Variants in CPXM2 observed in about 807,000 individuals in gnomAD.
CPXM2 encodes the protein inactive carboxypeptidase-like protein X2.
In CPXM2, 66 loss-of-function variants were observed where a neutral mutation model predicts 86.1. The ratio of observed to expected loss-of-function variants is 0.77; its 90% CI spans 0.63 to 0.94. CPXM2 has a LOEUF of 0.94. Ranked by LOEUF, CPXM2 falls within the 40% of genes least tolerant of loss-of-function variation. The pLI, the probability that CPXM2 is intolerant of heterozygous loss-of-function variation, is 0.00. For missense variants in CPXM2, 948 were observed against 1,026.3 expected, an observed-to-expected ratio of 0.92 and a Z score of 1.04; for synonymous variants, 388 against 400.2, an observed-to-expected ratio of 0.97 and a Z score of 0.36.
rs970149929 is a variant in CPXM2 at position 123,754,590 on chromosome 10, T to A, written c.2017+73A>T. On this transcript the variant is annotated intron_variant, in intron 13 of 13. Coordinates refer to ENST00000241305, the MANE Select transcript of CPXM2 (RefSeq NM_198148.3). This position sits in a 1 kb window ranked among gnomAD's most constrained non-coding sequence, Gnocchi z 4.0. ...ACATTTCTGGCAGTCATTTCATGAT[T>A]GTAACCCAAGTAAAATGCCTAAAAA... 1.2e-6 allele frequency: 1 copy of A among 825,612 alleles called. No individual in the cohort carries two copies. Among genetic ancestry groups the A allele is most frequent in the Non-Finnish European group, 2.1e-6 (1 of 470,780 alleles). 51.1% of individuals were successfully genotyped at this position (825,612 alleles called of 1,614,324 possible).
chr10:123,843,241 C>T (rs531208125), intron 3 of CPXM2: 4 of 455,148 alleles, frequency 8.8e-6, no homozygotes, highest in South Asian at 6.2e-5. Flanking sequence ...CACACACCAC[C>T]ATGCCCTGCT....
At chr10:123,918,672 C>G (rs1945554744) in intron 2 of CPXM2, among the ~76,000 whole-genome samples, 1 of 152,180 alleles carries the variant, frequency 6.6e-6, no homozygotes, top group Non-Finnish European at 1.5e-5. Flanking sequence ...TTTTCCTTTT[C>G]CCTTCTTTTA....
intron 2 of CPXM2, among the ~76,000 whole-genome samples, chr10:123,933,158 C>G (rs1384545261): frequency 6.6e-6 from 1 of 152,186 alleles, no homozygotes; most frequent in Non-Finnish European, 1.5e-5. Flanking sequence ...AGGGAATGGA[C>G]AGTGAGGCCA....
At chr10:123,884,782 C>T (rs937815925) in intron 1 of CPXM2, among the ~76,000 whole-genome samples, 1 of 152,174 alleles carries the variant, frequency 6.6e-6, no homozygotes, top group African/African-American at 2.4e-5. Flanking sequence ...CTCTGGGATA[C>T]CTGCCTGGTC....
chr10:123,830,872 C>CTCTCTCTGTG (rs1258897184), intron 4 of CPXM2, among the ~76,000 whole-genome samples: 2 of 142,716 alleles, frequency 1.4e-5, no homozygotes, highest in African/African-American at 5.3e-5. Flanking sequence ...CTCTCTCTCT[C>CTCTCTCTGTG]TGTGTGTGTG....
chr10:123,923,860 G>C (rs1016237392), intron 2 of CPXM2, among the ~76,000 whole-genome samples: 15 of 152,190 alleles, frequency 9.9e-5, no homozygotes, highest in African/African-American at 3.6e-4. Context: ...CTCCATGTGA[G>C]ACATGCCTTT....
chr10:123,845,643 C>G (rs937148618), intron 3 of CPXM2, among the ~76,000 whole-genome samples: 13 of 151,784 alleles, frequency 8.6e-5, no homozygotes, highest in African/African-American at 3.1e-4. Flanking sequence ...AGGAAGAAAT[C>G]CAGAAGAATT....
Position 123,913,186 on chromosome 10 carries a change from T to A in CPXM2, n.174+26291A>T, listed in dbSNP as rs1189009416. On this transcript the variant is annotated intron_variant and non_coding_transcript_variant, in intron 2 of 19. Transcript: ENST00000368854. ...TATATACATAAAATAAAAGATGTGC[T>A]GTGGGTATTTTGAGCTAAACATGAC... Among the ~76,000 whole-genome samples the A allele has an allele frequency of 5.3e-5, 8 of 152,240 alleles. No homozygotes were observed. The East Asian group carries it at 1.5e-3, about 29-fold the overall frequency.
At position 123,771,025 on chromosome 10, in the gene CPXM2, C is replaced by T. The variant is rs200836309; in HGVS notation, c.993G>A (p.Val331=). Residue 331 remains valine, a synonymous_variant, in exon 8 of 14, where the codon GTG becomes GTA. Coordinates refer to ENST00000241305, the MANE Select transcript of CPXM2 (RefSeq NM_198148.3). ...TGGTGATATTGGGACACATTTCATT[C>T]ACAACTTTCATCAACTGAAAAACAA... ...YKEMRQLMKV[V]NEMCPNITRI... is the part of the protein sequence containing the mutation. 1.6e-4 allele frequency: 251 copies of T among 1,613,104 alleles called. 3 individuals carry two copies. The South Asian group carries it at 2.6e-3, about 17-fold the overall frequency.
At chr10:123,910,331 G>A (rs1945477950) in intron 2 of CPXM2, among the ~76,000 whole-genome samples, 1 of 152,096 alleles carries the variant, frequency 6.6e-6, no homozygotes, top group East Asian at 1.9e-4. Flanking sequence ...CCTGGAGGTA[G>A]GATTCTTTGT....
At chr10:123,893,181 G>A (rs1315084327), upstream of CPXM2, among the ~76,000 whole-genome samples, 1 of 149,144 alleles carries the variant, frequency 6.7e-6, no homozygotes, top group Non-Finnish European at 1.5e-5. Flanking sequence ...GGGAACCCAT[G>A]GAGTGCGCTA....
At chr10:123,799,068 C>T (rs1450826318) in intron 5 of CPXM2, 47 bp downstream of exon 5, 3 of 1,608,310 alleles carry the variant, frequency 1.9e-6, no homozygotes, top group East Asian at 4.5e-5. Context: ...TGCAAAACCC[C>T]ACCCAGCCAG....
At chr10:123,818,885 C>G (rs893756162) in intron 4 of CPXM2, among the ~76,000 whole-genome samples, 2 of 152,104 alleles carry the variant, frequency 1.3e-5, no homozygotes, top group African/African-American at 4.8e-5. Flanking sequence ...ATTCACAGGT[C>G]CAGGAATCAA....
chr10:123,812,495 T>C (rs60753292), intron 4 of CPXM2, among the ~76,000 whole-genome samples: 1,621 of 152,336 alleles, frequency 0.011, 20 homozygotes, highest in African/African-American at 0.037. Flanking sequence ...AGCAGGGGAA[T>C]CTGGAAAAGG....
intron 4 of CPXM2, among the ~76,000 whole-genome samples, chr10:123,830,854 C>CTA: frequency 4.4e-5 from 4 of 91,114 alleles, no homozygotes; most frequent in African/African-American, 1.6e-4. Flanking sequence ...ATGCACTCAT[C>CTA]TCTCTCTCTC....
chr10:123,816,772 G>A (rs943261230), intron 4 of CPXM2, among the ~76,000 whole-genome samples: 8 of 152,140 alleles, frequency 5.3e-5, no homozygotes, highest in Admixed American at 5.2e-4. Flanking sequence ...CTACATCAGG[G>A]GTATATTAAC....
chr10:123,817,321 G>C (rs1173827246), intron 4 of CPXM2, among the ~76,000 whole-genome samples: 3 of 152,174 alleles, frequency 2.0e-5, no homozygotes, highest in Admixed American at 1.3e-4. Context: ...GCAGAAGATA[G>C]GCATGCTGTC....
chr10:123,833,699 C>T (rs1367804690), intron 4 of CPXM2, among the ~76,000 whole-genome samples: 1 of 152,248 alleles, frequency 6.6e-6, no homozygotes, highest in African/African-American at 2.4e-5. Context: ...CTGGCCCACC[C>T]ACCTACTCAA....
intron 11 of CPXM2, among the ~76,000 whole-genome samples, chr10:123,758,647 T>G (rs1050250330): frequency 2.6e-5 from 4 of 152,176 alleles, no homozygotes; most frequent in Non-Finnish European, 1.5e-5. Flanking sequence ...CACTATACTA[T>G]TCAACATTTG....
Sources: allele counts gnomAD v4.1 joint callset (sites outside exome capture counted in the v4.1 genomes callset), GRCh38; gene constraint gnomAD v4.1.1; non-coding constraint Gnocchi (gnomAD v3.1); transcripts MANE v1.5; gene names NCBI Gene and HGNC (gene_info 2026-07-23, HGNC 2026-07-21).